Variants in FLII observed in about 807,000 individuals in gnomAD.
FLII encodes FLII actin remodeling protein, also known as protein flightless-1 homolog.
Under a neutral mutation model 156.2 loss-of-function variants are expected in FLII, and 101 were observed. That is an observed-to-expected ratio of 0.65 (90% confidence interval 0.55 to 0.76). The LOEUF (loss-of-function observed/expected upper bound fraction) is 0.76. FLII is among the 30% of genes least tolerant of loss of function. The probability of loss-of-function intolerance (pLI) is 0.00; values close to 1 mark genes in which losing one functional copy is unlikely to be tolerated. For synonymous variants in FLII, 767 were observed against 685.8 expected (o/e 1.12, Z -1.85); for missense variants, 1,675 against 1,682.8 (o/e 1.00, Z 0.08).
intron 3 of FLII, 73 bp downstream of exon 3, chr17:18,256,453 A>G: frequency 8.1e-7 from 1 of 1,239,540 alleles, no homozygotes; most frequent in East Asian, 2.5e-5. Flanking sequence ...CTTGGTGTCT[A>G]GCCCAGGCTT....
At chr17:18,248,296 C>T (rs1465846566) in intron 18 of FLII, among the ~76,000 whole-genome samples, 1 of 152,154 alleles carries the variant, frequency 6.6e-6, no homozygotes, top group African/African-American at 2.4e-5. Flanking sequence ...GATAATTGAG[C>T]CAAGGTTCCC....
upstream of FLII, chr17:18,258,747 T>C (rs1406063238): frequency 5.6e-6 from 7 of 1,239,828 alleles, no homozygotes; most frequent in Admixed American, 4.3e-5. This position sits in a 1 kb window ranked among gnomAD's most constrained non-coding sequence, Gnocchi z 4.2. Context: ...GCGAGGGCGC[T>C]GGGGGGAGCC....
intron 14 of FLII, 142 bp downstream of exon 14, chr17:18,250,696 A>G: frequency 1.2e-6 from 1 of 869,482 alleles, no homozygotes; most frequent in Non-Finnish European, 1.8e-6. Flanking sequence ...TAGGTCCCGC[A>G]CAGTATCGTT....
chr17:18,251,164 C>T, intron 13 of FLII, 101 bp downstream of exon 13: 3 of 1,445,656 alleles, frequency 2.1e-6, no homozygotes, highest in Non-Finnish European at 2.8e-6. Flanking sequence ...CTGCCCACCT[C>T]CCACCTGGCC....
intron 6 of FLII, 124 bp from the exon 7 acceptor site, chr17:18,254,306 AG>A: frequency 1.2e-6 from 1 of 864,014 alleles, no homozygotes; most frequent in Non-Finnish European, 1.7e-6. Context: ...ATCTGGTTGA[AG>A]GGACAAGCCC....
chr17:18,252,534 C>T lies in FLII; in HGVS notation c.1036G>A (p.Val346Ile), dbSNP rs1199901756. The T allele has an allele frequency of 6.2e-7, 1 of 1,613,540 alleles. No homozygotes were observed. Among genetic ancestry groups the T allele is most frequent in the Non-Finnish European group, 8.5e-7 (1 of 1,180,004 alleles). Residue 346 changes from valine to isoleucine, a missense_variant, in exon 10 of 30, where the codon GTC becomes ATC. This residue lies in a region of FLII where 1,332 missense variants were observed against 1,269.3 expected (regional missense o/e 1.05). Transcript: ENST00000327031. ...LCRCPKLRKL[V>I]LNKNHLVTLP... is the part of the protein sequence containing the mutation. ...GTCACCAGGTGGTTCTTGTTCAGGA[C>T]AAGTTTCCTCAGCTTTGGGCACCTG...
chr17:18,248,675 C>G lies in FLII; in HGVS notation c.2065G>C (p.Glu689Gln). 1 of 1,614,052 alleles carries G rather than the reference C, an allele frequency of 6.2e-7. No individual in the cohort carries two copies. The highest frequency in any genetic ancestry group is 8.5e-7 in the Non-Finnish European group (1 of 1,179,920). ...TGGCCCTGCACCAGCAGTGTGATCT[C>G]AGCCTTCCCTTTCCGCTCATTCTTG... is the stretch of plus-strand genomic sequence containing the variant. ...INKNERKGKA[E>Q]ITLLVQGQEL... is the part of the protein sequence containing the mutation. Residue 689 changes from glutamate (E) to glutamine (Q), a missense_variant, in exon 18 of 30, where the codon GAG (glutamate) becomes CAG (glutamine). Transcript: ENST00000327031.
chr17:18,257,306 G>A (rs1334954097), intron 1 of FLII: 13 of 417,930 alleles, frequency 3.1e-5, no homozygotes, highest in South Asian at 2.5e-4. Context: ...CCCAGCATCC[G>A]GCTCTGTGGT....
chr17:18,249,945 C>T (rs1025886555), intron 14 of FLII, among the ~76,000 whole-genome samples: 1 of 151,260 alleles, frequency 6.6e-6, no homozygotes, highest in African/African-American at 2.4e-5. Context: ...ATGGCAAAAC[C>T]CCATCACTAC....
chr17:18,245,986 T>G lies in FLII; in HGVS notation c.3344A>C (p.Lys1115Thr). The change falls in exon 26 of 30, where the codon AAG becomes ACG. Residue 1115 changes from lysine (K) to threonine (T), a missense_variant. Physicochemically the swap from Lys to Thr is moderately conservative, Grantham distance 78. Coordinates refer to ENST00000327031, the MANE Select transcript of FLII (RefSeq NM_002018.4). The part of the protein sequence containing the change: ...VGRASDPDEA[K>T]LAEDILNTMF... ...GGTGTTCAGGATGTCTTCTGCCAAC[T>G]TGGCTTCGTCAGGGTCTGATGCCCG... The G allele has an allele frequency of 6.2e-7, 1 of 1,614,112 alleles. No individual in the cohort carries two copies. Among genetic ancestry groups the G allele is most frequent in the South Asian group, 1.1e-5 (1 of 91,082 alleles).
At chr17:18,247,122 T>TGGGGGGGGGGGGC in intron 21 of FLII, 47 bp downstream of exon 21, 1 of 1,011,414 alleles carries the variant, frequency 9.9e-7, no homozygotes, top group Non-Finnish European at 1.3e-6. Context: ...GCCCTCGGCC[T>TGGGGGGGGGGGGC]GCCCCCCACC....
At chr17:18,252,409 C>G in intron 10 of FLII, 63 bp downstream of exon 10, 1 of 1,526,338 alleles carries the variant, frequency 6.6e-7, no homozygotes. Context: ...CTGGGTCCCC[C>G]TTGCTCCAGG....
At chr17:18,257,087 A>AAAGGCTCCCATGGGC in intron 1 of FLII, 68 bp from the exon 2 acceptor site, 1 of 1,053,998 alleles carries the variant, frequency 9.5e-7, no homozygotes, top group Non-Finnish European at 1.4e-6. Flanking sequence ...CCTCCAGCCC[A>AAAGGCTCCCATGGGC]TGGGAGCCTT....
chr17:18,255,058 T>G (rs895406855), intron 4 of FLII, 125 bp downstream of exon 4: 3 of 935,650 alleles, frequency 3.2e-6, no homozygotes, highest in Admixed American at 1.7e-5. Flanking sequence ...CAAGGTATTA[T>G]CCACTCCAAG....
intron 18 of FLII, 95 bp downstream of exon 18, chr17:18,248,455 T>G: frequency 8.2e-7 from 1 of 1,225,998 alleles, no homozygotes; most frequent in Middle Eastern, 2.6e-4. Flanking sequence ...AAAGTCGAGA[T>G]GGAGCCCAAA....
In FLII at chr17:18,249,220, T is replaced by G. The variant is rs1597906941; in HGVS notation, c.1860-19A>C. The G allele has an allele frequency of 6.2e-7, 1 of 1,613,846 alleles. No individual in the cohort carries two copies. The highest frequency in any genetic ancestry group is 1.3e-5 in the African/African-American group (1 of 74,916). On this transcript the variant is annotated intron_variant, in intron 15 of 29. Coordinates refer to ENST00000327031, the MANE Select transcript of FLII (RefSeq NM_002018.4). ...ATACATCCTGGGCGCAGGGCAAGAG[T>G]GGCTCAGTGTAGGCACCAAGGGCCT...
At chr17:18,248,971 A>C (rs1203723102) in intron 16 of FLII, 88 bp from the exon 17 acceptor site, 1 of 1,420,720 alleles carries the variant, frequency 7.0e-7, no homozygotes, top group Non-Finnish European at 9.9e-7. Flanking sequence ...AAAATCCCTC[A>C]CTATGGGGTT....
At chr17:18,250,007 G>A (rs996135835) in intron 14 of FLII, among the ~76,000 whole-genome samples, 4 of 151,956 alleles carry the variant, frequency 2.6e-5, no homozygotes, top group African/African-American at 9.7e-5. Flanking sequence ...TGTAATCCCA[G>A]CTACTTGGGA....
intron 1 of FLII, 32 bp from the exon 2 acceptor site, chr17:18,257,051 G>A (rs1342375494): frequency 4.1e-6 from 6 of 1,464,384 alleles, no homozygotes; most frequent in Non-Finnish European, 5.6e-6. Flanking sequence ...GAAGCACAGA[G>A]CCCCTGCTCA....
Sources: allele counts gnomAD v4.1 joint callset (sites outside exome capture counted in the v4.1 genomes callset), GRCh38; gene constraint gnomAD v4.1.1; regional missense constraint gnomAD v4.1.1; non-coding constraint Gnocchi (gnomAD v3.1); transcripts MANE v1.5; gene names NCBI Gene and HGNC (gene_info 2026-07-23, HGNC 2026-07-21).